Variants in NBAS observed in about 807,000 individuals in gnomAD.
NBAS encodes NBAS subunit of NRZ tethering complex, also known as NAG/BC035112 fusion.
In NBAS, 219 loss-of-function variants were observed where a neutral mutation model predicts 302.5. That is an observed-to-expected ratio of 0.72 (90% CI 0.65 to 0.81). The LOEUF (loss-of-function observed/expected upper bound fraction) is 0.81. NBAS is among the 30% of genes least tolerant of loss of function. NBAS has a pLI of 0.00. For missense variants in NBAS, 2,932 were observed against 2,841.6 expected, an observed-to-expected ratio of 1.03 and a Z score of -0.72; for synonymous variants, 1,118 against 1,021.6, an observed-to-expected ratio of 1.09 and a Z score of -1.80.
chr2:15,333,259 G>A (rs1048498801), intron 35 of NBAS, among the ~76,000 whole-genome samples: 1 of 152,112 alleles, frequency 6.6e-6, no homozygotes, highest in African/African-American at 2.4e-5. Context: ...TGCAACTTCT[G>A]AAACACGGCA....
At chr2:15,439,882 G>C (rs567468056) in intron 21 of NBAS, among the ~76,000 whole-genome samples, 3 of 152,248 alleles carry the variant, frequency 2.0e-5, no homozygotes, top group African/African-American at 4.8e-5. Flanking sequence ...AGGGTCCTAC[G>C]TCCACGGAGT....
intron 12 of NBAS, among the ~76,000 whole-genome samples, chr2:15,482,009 C>A (rs1444700135): frequency 6.6e-6 from 1 of 152,242 alleles, no homozygotes; most frequent in Non-Finnish European, 1.5e-5. Flanking sequence ...GACAGACAGG[C>A]CTTGCTGGGT....
Position 15,292,597 on chromosome 2 carries a change from T to C in NBAS, c.4967A>G (p.Asp1656Gly). The C allele has an allele frequency of 2.5e-6, 4 of 1,614,202 alleles. No individual in the cohort carries two copies. Among genetic ancestry groups the C allele is most frequent in the Non-Finnish European group, 3.4e-6 (4 of 1,180,038 alleles). ...QILQGLRKGV[D>G]VQRFTADDQY... ...GTCATCTGCAGTAAACCGCTGCACG[T>C]CCACACCCTTCCGAAGGCCCTGAAG... Residue 1656 changes from aspartate to glycine, a missense_variant, in exon 41 of 52, where the codon GAC becomes GGC. By Grantham distance (94) the Asp-to-Gly change is moderately conservative. Coordinates refer to ENST00000281513, the MANE Select transcript of NBAS (RefSeq NM_015909.4).
chr2:15,444,678 T>C (rs77084477), intron 21 of NBAS, among the ~76,000 whole-genome samples: 87,044 of 150,654 alleles, frequency 0.58, 26,494 homozygotes, highest in Non-Finnish European at 0.68. Context: ...CTAAAGAGCT[T>C]CTGCACAGCA....
chr2:15,314,255 CT>C (rs1671408009), intron 38 of NBAS, among the ~76,000 whole-genome samples: 1 of 152,242 alleles, frequency 6.6e-6, no homozygotes, highest in East Asian at 1.9e-4. Context: ...ACTCAGGAGG[CT>C]GACGCATGAG....
chr2:15,097,548 G>C, the NBAS span, among the ~76,000 whole-genome samples: 1 of 152,088 alleles, frequency 6.6e-6, no homozygotes. Flanking sequence ...TGAGATCAGG[G>C]AGCCAGCATG....
At chr2:15,551,660 T>C in intron 5 of NBAS, 124 bp from the exon 6 acceptor site, 1 of 660,742 alleles carries the variant, frequency 1.5e-6, no homozygotes, top group Non-Finnish European at 2.6e-6. Flanking sequence ...CTCTCAGACA[T>C]GGTTTTGTGG....
chr2:14,983,061 T>C, the NBAS span, among the ~76,000 whole-genome samples: 3 of 152,206 alleles, frequency 2.0e-5, no homozygotes, highest in Admixed American at 6.5e-5. Context: ...CTTGCTTAAC[T>C]GTCAGCTCCA....
chr2:15,547,109 A>C (rs1250506741), intron 6 of NBAS, among the ~76,000 whole-genome samples: 1 of 152,248 alleles, frequency 6.6e-6, no homozygotes. Flanking sequence ...ATTCCTATTT[A>C]TGGCCTAACA....
chr2:15,286,695 C>T (rs765015992), intron 42 of NBAS, among the ~76,000 whole-genome samples: 3 of 152,194 alleles, frequency 2.0e-5, no homozygotes, highest in Non-Finnish European at 2.9e-5. Context: ...CCAAACCCTC[C>T]AATTGAGCTC....
At chr2:15,489,291 T>C (rs139600952) in intron 11 of NBAS, among the ~76,000 whole-genome samples, 1 of 152,304 alleles carries the variant, frequency 6.6e-6, no homozygotes, top group Admixed American at 6.5e-5. Flanking sequence ...AAAATATGTA[T>C]GCATTATAAA....
chr2:14,885,233 C>T, the NBAS span, among the ~76,000 whole-genome samples: 1 of 152,114 alleles, frequency 6.6e-6, no homozygotes, highest in African/African-American at 2.4e-5. Flanking sequence ...ATAATGGTAG[C>T]TCGGACTAGA....
At chr2:14,918,711 A>G in the NBAS span, among the ~76,000 whole-genome samples, 626 of 152,336 alleles carry the variant, frequency 4.1e-3, 18 homozygotes, top group Admixed American at 0.039. Flanking sequence ...CAAAGGCCAC[A>G]GCATGACAAG....
At chr2:14,802,191 A>AT in the NBAS span, among the ~76,000 whole-genome samples, 5 of 131,864 alleles carry the variant, frequency 3.8e-5, no homozygotes, top group South Asian at 1.3e-3. Flanking sequence ...TCTTGAATTG[A>AT]TTTTTGTATA....
chr2:15,034,030 G>T, the NBAS span, among the ~76,000 whole-genome samples: 2 of 44,274 alleles, frequency 4.5e-5, no homozygotes, highest in Admixed American at 6.1e-4. Context: ...AGAAGAAGAG[G>T]AGGAGGAAGG....
chr2:15,357,715 A>T (rs1240685953), intron 32 of NBAS, among the ~76,000 whole-genome samples: 1 of 152,194 alleles, frequency 6.6e-6, no homozygotes, highest in Admixed American at 6.5e-5. Flanking sequence ...GAGGATGAAA[A>T]ATACAATTTA....
chr2:14,939,745 T>C, the NBAS span, among the ~76,000 whole-genome samples: 1 of 152,256 alleles, frequency 6.6e-6, no homozygotes, highest in African/African-American at 2.4e-5. Context: ...CTCTGTGAAC[T>C]TTCTTGCAGA....
At chr2:15,400,536 TAAC>T (rs1666432866) in intron 26 of NBAS, among the ~76,000 whole-genome samples, 2 of 151,918 alleles carry the variant, frequency 1.3e-5, no homozygotes, top group African/African-American at 2.4e-5. Context: ...AATCAAAAAA[TAAC>T]AACACGAGCA....
chr2:15,476,444 C>G (rs1186667561), intron 13 of NBAS, among the ~76,000 whole-genome samples: 1 of 151,958 alleles, frequency 6.6e-6, no homozygotes, highest in East Asian at 1.9e-4. Flanking sequence ...AATTATGGGC[C>G]GGGCACAGTG....
Sources: allele counts gnomAD v4.1 joint callset (sites outside exome capture counted in the v4.1 genomes callset), GRCh38; gene constraint gnomAD v4.1.1; transcripts MANE v1.5; gene names NCBI Gene and HGNC (gene_info 2026-07-23, HGNC 2026-07-21).